OSBPL2: variants seen among roughly 807,000 people sequenced by gnomAD.
The protein encoded by OSBPL2 is oxysterol binding protein like 2, also known as oxysterol-binding protein-related protein 2.
A neutral mutation model predicts 58.4 loss-of-function variants in OSBPL2; 18 were observed. The observed-to-expected ratio is 0.31, with a 90% CI of 0.21 to 0.46. The LOEUF is 0.46. OSBPL2 is among the 20% of genes least tolerant of loss of function. OSBPL2 has a pLI of 1.00. For missense variants in OSBPL2, 461 were observed against 616.5 expected, an observed-to-expected ratio of 0.75 and a Z score of 2.67; for synonymous variants, 221 against 234.1, an observed-to-expected ratio of 0.94 and a Z score of 0.51.
chr20:62,238,867 C>G (rs1424287890), intron 1 of OSBPL2: 1 of 152,002 alleles, frequency 6.6e-6, no homozygotes, highest in Non-Finnish European at 1.5e-5. Context: ...GTCCCGCGGC[C>G]CCCGCACCCT....
Position 62,260,133 on chromosome 20 carries a change from C to T in OSBPL2, c.182+8C>T. ...CGGAATTCAGAAACACAGGTATGTT[C>T]TCTCACGTCTGCTGTTTCTAAAATG... On this transcript the variant is annotated splice_region_variant and intron_variant, in intron 3 of 13. Coordinates refer to ENST00000313733, the MANE Select transcript of OSBPL2 (RefSeq NM_144498.4). 6.2e-7 allele frequency: 1 copy of T among 1,612,556 alleles called. No individual in the cohort carries two copies. The highest frequency in any genetic ancestry group is 8.5e-7 in the Non-Finnish European group (1 of 1,179,026).
intron 1 of OSBPL2, among the ~76,000 whole-genome samples, chr20:62,246,777 C>T (rs1207934726): frequency 6.6e-6 from 1 of 152,204 alleles, no homozygotes; most frequent in East Asian, 1.9e-4. Context: ...CTCCCTGGGT[C>T]CGTTCATGTC....
chr20:62,267,161 C>A (rs952506609), intron 4 of OSBPL2, among the ~76,000 whole-genome samples: 25 of 152,326 alleles, frequency 1.6e-4, no homozygotes, highest in African/African-American at 5.8e-4. Flanking sequence ...AGGAGGATCA[C>A]TTGAGCCTGG....
intron 1 of OSBPL2, among the ~76,000 whole-genome samples, chr20:62,241,417 C>T (rs950752409): frequency 2.0e-5 from 3 of 152,238 alleles, no homozygotes; most frequent in Admixed American, 1.3e-4. Flanking sequence ...TTAGTACATT[C>T]AGCCAATTAC....
rs181783162 is a variant in OSBPL2 at position 62,274,742 on chromosome 20, T to C, written c.491+1336T>C. 1.1e-4 allele frequency among the ~76,000 whole-genome samples: 16 copies of C among 152,364 alleles called. No individual in the cohort carries two copies. The East Asian group carries it at 3.1e-3, about 29-fold the overall frequency. ...AAGGAGCTGGAGGGGCGTGGGTGGT[T>C]ATCTAGACAAGTCTGCTGTGCAGAA... On this transcript the variant is annotated intron_variant, in intron 6 of 13. Coordinates refer to ENST00000313733, the MANE Select transcript of OSBPL2 (RefSeq NM_144498.4).
At chr20:62,286,398 C>T (rs1983120848) in intron 10 of OSBPL2, 185 bp from the exon 11 acceptor site, 4 of 601,156 alleles carry the variant, frequency 6.7e-6, no homozygotes, top group South Asian at 3.9e-5. Flanking sequence ...TGCAGTGACC[C>T]GAGATCGCAC....
intron 1 of OSBPL2, among the ~76,000 whole-genome samples, chr20:62,243,678 T>A (rs1171144290): frequency 6.6e-6 from 1 of 151,644 alleles, no homozygotes; most frequent in Non-Finnish European, 1.5e-5. Flanking sequence ...CTCGGGAGGG[T>A]CTGGGGTGGG....
chr20:62,247,769 A>G (rs1206311154), intron 1 of OSBPL2, among the ~76,000 whole-genome samples: 1 of 150,078 alleles, frequency 6.7e-6, no homozygotes, highest in African/African-American at 2.5e-5. Context: ...GGTTCAAGCT[A>G]TTCTCCTGCC....
At position 62,269,332 on chromosome 20, in the gene OSBPL2, A is replaced by G. The variant is rs1870393383; in HGVS notation, c.259-2793A>G. Among the ~76,000 whole-genome samples the G allele has an allele frequency of 6.6e-6, 1 of 152,176 alleles. No individual in the cohort carries two copies. The highest frequency in any genetic ancestry group is 1.5e-5 in the Non-Finnish European group (1 of 68,034). On this transcript the variant is annotated intron_variant, in intron 4 of 13. Transcript: ENST00000313733. This position sits in a 1 kb window ranked among gnomAD's most constrained non-coding sequence, Gnocchi z 4.2. ...TGGATCCAGCCGTGCGGCAGCAAAG[A>G]GCCCTGCATGTGTGTTTGGCCGAGG...
At chr20:62,272,896 T>TA (rs1216963834) in intron 5 of OSBPL2, among the ~76,000 whole-genome samples, 6 of 152,074 alleles carry the variant, frequency 3.9e-5, no homozygotes, top group African/African-American at 1.4e-4. Context: ...ACCCTGTGTC[T>TA]AAAAAATAAC....
chr20:62,248,157 T>G (rs1269260512), intron 1 of OSBPL2, among the ~76,000 whole-genome samples: 3 of 4,598 alleles, frequency 6.5e-4, no homozygotes, highest in Non-Finnish European at 1.2e-3. Flanking sequence ...TTTCTTTTCT[T>G]TTTTTTTTTT....
intron 1 of OSBPL2, among the ~76,000 whole-genome samples, chr20:62,250,763 GT>G (rs1980469769): frequency 6.6e-6 from 1 of 151,984 alleles, no homozygotes; most frequent in African/African-American, 2.4e-5. Context: ...CCTACAAGCA[GT>G]TTTTTAAACA....
chr20:62,246,652 C>T (rs1447009618), intron 1 of OSBPL2, among the ~76,000 whole-genome samples: 3 of 152,148 alleles, frequency 2.0e-5, no homozygotes, highest in Admixed American at 6.5e-5. Flanking sequence ...CCTGACTGGT[C>T]ACTCCTGCCC....
chr20:62,263,981 C>T (rs752618743), intron 4 of OSBPL2, among the ~76,000 whole-genome samples: 3 of 149,936 alleles, frequency 2.0e-5, no homozygotes, highest in South Asian at 4.2e-4. Flanking sequence ...AGGAGAATGG[C>T]GTGAACCCAG....
chr20:62,253,675 G>C (rs1980720413), intron 1 of OSBPL2, among the ~76,000 whole-genome samples: 1 of 150,672 alleles, frequency 6.6e-6, no homozygotes, highest in Non-Finnish European at 1.5e-5. Context: ...AAGGGCAAGA[G>C]AGGAGGGAAG....
Position 62,256,140 on chromosome 20 carries a change from G to A in OSBPL2, c.-45G>A. 5.0e-6 allele frequency: 8 copies of A among 1,605,896 alleles called. No individual in the cohort carries two copies. The highest frequency in any genetic ancestry group is 6.8e-6 in the Non-Finnish European group (8 of 1,173,128). Reference sequence around the variant, plus strand: ...GATGTGGATCAGATACGATGATTCAGTAGAAGAGCACATGTCAGGGGCAGT... The same window carrying A: ...GATGTGGATCAGATACGATGATTCAATAGAAGAGCACATGTCAGGGGCAGT... On this transcript the variant is annotated 5_prime_UTR_variant, in exon 2 of 14. Coordinates refer to ENST00000313733, the MANE Select transcript of OSBPL2 (RefSeq NM_144498.4).
At chr20:62,246,470 G>C (rs1351902951) in intron 1 of OSBPL2, among the ~76,000 whole-genome samples, 1 of 152,228 alleles carries the variant, frequency 6.6e-6, no homozygotes, top group South Asian at 2.1e-4. Context: ...CAAAAGAAAC[G>C]AGATTGTGGC....
chr20:62,244,546 GAGA>G (rs1979964708), intron 1 of OSBPL2, among the ~76,000 whole-genome samples: 1 of 152,266 alleles, frequency 6.6e-6, no homozygotes, highest in Admixed American at 6.5e-5. Flanking sequence ...GTTGCATAAG[GAGA>G]AGGTTGATTA....
intron 1 of OSBPL2, among the ~76,000 whole-genome samples, chr20:62,249,497 C>T (rs1267261589): frequency 1.3e-5 from 2 of 152,190 alleles, no homozygotes; most frequent in Non-Finnish European, 2.9e-5. Flanking sequence ...AAACATTTAA[C>T]TTTCTGTATA....
Sources: allele counts gnomAD v4.1 joint callset (sites outside exome capture counted in the v4.1 genomes callset), GRCh38; gene constraint gnomAD v4.1.1; non-coding constraint Gnocchi (gnomAD v3.1); transcripts MANE v1.5; gene names NCBI Gene and HGNC (gene_info 2026-07-23, HGNC 2026-07-21).